Variants in UGDH observed in about 807,000 individuals in gnomAD.
UGDH encodes the protein UDP-glucose 6-dehydrogenase.
A neutral mutation model predicts 50.6 loss-of-function variants in UGDH; 38 were observed. The ratio of observed to expected loss-of-function variants is 0.75; its 90% CI spans 0.58 to 0.98. The LOEUF is 0.98. UGDH is among the 50% of genes least tolerant of loss of function. The pLI, the probability that UGDH is intolerant of heterozygous loss-of-function variation, is 0.00. For synonymous variants in UGDH, 168 were observed against 199.9 expected (o/e 0.84, Z 1.35); for missense variants, 465 against 606.2 (o/e 0.77, Z 2.45).
chr4:39,501,220 C>A (rs1236608217), intron 11 of UGDH, among the ~76,000 whole-genome samples: 1 of 151,794 alleles, frequency 6.6e-6, no homozygotes, highest in Admixed American at 6.6e-5. Context: ...TCCGCCTTGG[C>A]CTCCCAAAGT....
intron 11 of UGDH, among the ~76,000 whole-genome samples, chr4:39,501,030 T>A (rs1284413431): frequency 1.3e-5 from 2 of 151,260 alleles, no homozygotes; most frequent in African/African-American, 4.9e-5. Flanking sequence ...AGTGGCACGA[T>A]CTTGGCTCAC....
chr4:39,505,131 G>A, intron 9 of UGDH, 106 bp downstream of exon 9: 4 of 1,085,316 alleles, frequency 3.7e-6, no homozygotes, highest in Non-Finnish European at 5.1e-6. Context: ...TTGAAAAGAG[G>A]GCCTACCAAT....
At chr4:39,500,724 T>C (rs1010935047) in intron 11 of UGDH, among the ~76,000 whole-genome samples, 11 of 151,538 alleles carry the variant, frequency 7.3e-5, no homozygotes, top group African/African-American at 2.4e-4. Flanking sequence ...TGGCCTGATC[T>C]TGGCTCACTG....
chr4:39,527,060 GA>G (rs1222056541), intron 1 of UGDH: 7 of 1,289,306 alleles, frequency 5.4e-6, no homozygotes, highest in Non-Finnish European at 6.1e-6. Flanking sequence ...CACGAGTCTT[GA>G]ATAAGAAGCC....
chr4:39,525,112 A>G (rs1186111400), intron 1 of UGDH, among the ~76,000 whole-genome samples: 1 of 152,258 alleles, frequency 6.6e-6, no homozygotes, highest in Non-Finnish European at 1.5e-5. Flanking sequence ...TTTCAATAAA[A>G]TCTTCAATAA....
Position 39,521,270 on chromosome 4 carries a change from T to C in UGDH, c.162+81A>G, listed in dbSNP as rs901783757. 4 of 1,336,906 alleles carry C rather than the reference T, an allele frequency of 3.0e-6. No homozygotes were observed. In the East Asian group the frequency reaches 1.1e-4, roughly 36 times the overall value. 82.8% of individuals were successfully genotyped at this position (1,336,906 alleles called of 1,614,324 possible). Reference sequence around the variant, plus strand: ...CTTACCAGTTGCTGTTATAGATTTTTATATTAATAGTGCATATAAATGATA... The same window carrying C: ...CTTACCAGTTGCTGTTATAGATTTTCATATTAATAGTGCATATAAATGATA... On this transcript the variant is annotated intron_variant, in intron 2 of 11. Coordinates refer to ENST00000316423, the MANE Select transcript of UGDH (RefSeq NM_003359.4).
In UGDH at chr4:39,505,641, G is replaced by T; in HGVS notation, c.1014C>A (p.Phe338Leu). 1 of 1,602,942 alleles carries T rather than the reference G, an allele frequency of 6.2e-7. No individual in the cohort carries two copies. Among genetic ancestry groups the T allele is most frequent in the Non-Finnish European group, 8.5e-7 (1 of 1,174,730 alleles). Residue 338 changes from phenylalanine to leucine, a missense_variant, in exon 8 of 12, where the codon TTC (phenylalanine) becomes TTA (leucine). Physicochemically the swap from Phe to Leu is conservative, Grantham distance 22. Transcript: ENST00000316423. Reference sequence around the variant, plus strand: ...ACCTTGTATCACCAGTGTCCTTTTTGAATGCAAATCCCAAAATAGCTATCT... The same window carrying T: ...ACCTTGTATCACCAGTGTCCTTTTTTAATGCAAATCCCAAAATAGCTATCT... ...DKKIAILGFAFKKDTGDTRES... is the reference protein window; with the variant it reads ...DKKIAILGFALKKDTGDTRES...
chr4:39,522,145 G>A (rs976593251), intron 1 of UGDH, among the ~76,000 whole-genome samples: 4 of 152,180 alleles, frequency 2.6e-5, no homozygotes, highest in African/African-American at 9.6e-5. Context: ...AATTACCAAA[G>A]CTGTTACACA....
At chr4:39,521,596 C>A in intron 1 of UGDH, 77 bp from the exon 2 acceptor site, 1 of 1,214,808 alleles carries the variant, frequency 8.2e-7, no homozygotes, top group Non-Finnish European at 1.1e-6. Flanking sequence ...ATTAATTATA[C>A]TTTATAAAAA....
chr4:39,502,857 C>A (rs143704659), intron 11 of UGDH, among the ~76,000 whole-genome samples: 1 of 152,146 alleles, frequency 6.6e-6, no homozygotes, highest in African/African-American at 2.4e-5. Context: ...AGCAATCCTC[C>A]CACGTCAGCC....
chr4:39,513,694 G>A (rs557143493), intron 3 of UGDH, among the ~76,000 whole-genome samples: 3 of 151,986 alleles, frequency 2.0e-5, no homozygotes, highest in Admixed American at 1.3e-4. Flanking sequence ...ACACCACCAC[G>A]CCCAGCTAAT....
At chr4:39,522,993 C>A (rs904523511) in intron 1 of UGDH, among the ~76,000 whole-genome samples, 5 of 151,954 alleles carry the variant, frequency 3.3e-5, no homozygotes. Context: ...GATTTCTTGA[C>A]CTCGTGATCC....
chr4:39,516,584 AG>A (rs1354511230), intron 2 of UGDH, among the ~76,000 whole-genome samples: 1 of 152,252 alleles, frequency 6.6e-6, no homozygotes. Flanking sequence ...TCTATAGCAA[AG>A]TGAAAGCCCT....
chr4:39,512,750 G>A (rs1254799052), intron 3 of UGDH, among the ~76,000 whole-genome samples: 1 of 151,754 alleles, frequency 6.6e-6, no homozygotes, highest in African/African-American at 2.4e-5. Flanking sequence ...ATAGGGGATG[G>A]GTAGGTAAGT....
chr4:39,504,595 A>C, intron 9 of UGDH, 87 bp from the exon 10 acceptor site: 1 of 1,133,256 alleles, frequency 8.8e-7, no homozygotes, highest in South Asian at 1.3e-5. Context: ...GCAGGGATAC[A>C]TTCCAAGACC....
At position 39,505,838 on chromosome 4, in the gene UGDH, T is replaced by C. The variant is rs1746005051; in HGVS notation, c.907-90A>G. On this transcript the variant is annotated intron_variant, in intron 7 of 11. Coordinates refer to ENST00000316423, the MANE Select transcript of UGDH (RefSeq NM_003359.4). Reference sequence around the variant, plus strand: ...CTCAGAATTTTATGGTGAGTGCTATTGTACAAATACAATGCTTACATATTA... The same window carrying C: ...CTCAGAATTTTATGGTGAGTGCTATCGTACAAATACAATGCTTACATATTA... 4 of 1,330,366 alleles carry C rather than the reference T, an allele frequency of 3.0e-6. No homozygotes were observed. In the Admixed American group the frequency reaches 6.8e-5, roughly 23 times the overall value. 82.4% of individuals were successfully genotyped at this position (1,330,366 alleles called of 1,614,324 possible).
At chr4:39,521,547 A>C in intron 1 of UGDH, 28 bp from the exon 2 acceptor site, 3 of 1,473,812 alleles carry the variant, frequency 2.0e-6, no homozygotes, top group Non-Finnish European at 2.7e-6. Context: ...AGACTGTTCT[A>C]GTATTGAAAA....
rs1336113027 is a variant in UGDH at position 39,498,928 on chromosome 4, A to G, written c.*1215T>C. The G allele has an allele frequency of 2.0e-5, 3 of 152,164 alleles. No individual in the cohort carries two copies. The highest frequency in any genetic ancestry group is 7.2e-5 in the African/African-American group (3 of 41,436). 9.4% of individuals were successfully genotyped at this position (152,164 alleles called of 1,614,324 possible). On this transcript the variant is annotated 3_prime_UTR_variant, in exon 12 of 12. Coordinates refer to ENST00000316423, the MANE Select transcript of UGDH (RefSeq NM_003359.4). The stretch of plus-strand genomic sequence containing the variant: ...TCAGCAGAGCACAAGTATCAAAGGG[A>G]CATTGGATATATTTTAATAATGATC...
intron 2 of UGDH, among the ~76,000 whole-genome samples, chr4:39,515,618 T>C (rs1746411935): frequency 6.6e-6 from 1 of 152,128 alleles, no homozygotes; most frequent in Non-Finnish European, 1.5e-5. Context: ...ATTGGACCTG[T>C]ACCTTTAGAT....
Sources: allele counts gnomAD v4.1 joint callset (sites outside exome capture counted in the v4.1 genomes callset), GRCh38; gene constraint gnomAD v4.1.1; transcripts MANE v1.5; gene names NCBI Gene and HGNC (gene_info 2026-07-23, HGNC 2026-07-21).